The following ZFAT variants were observed in gnomAD, a reference collection of about 807,000 sequenced individuals.
The protein encoded by ZFAT is zinc finger protein ZFAT.
Under a neutral mutation model 117.7 loss-of-function variants are expected in ZFAT, and 64 were observed. That is an observed-to-expected ratio of 0.54 (90% CI 0.44 to 0.67). ZFAT has a LOEUF of 0.67. Among genes scored for constraint, ZFAT ranks in the 30% least tolerant of loss-of-function variants. The pLI is 0.00. For synonymous variants in ZFAT, 679 were observed against 615.0 expected, an observed-to-expected ratio of 1.10 and a Z score of -1.54; for missense variants, 1,433 against 1,584.5, an observed-to-expected ratio of 0.90 and a Z score of 1.62.
At chr8:134,565,676 A>G (rs1451012761) in intron 10 of ZFAT, 3 of 586,980 alleles carry the variant, frequency 5.1e-6, no homozygotes, top group Non-Finnish European at 3.0e-6. Flanking sequence ...GAGCAATGAC[A>G]TTCGATCAGG....
At chr8:134,811,274 A>C in the ZFAT span, among the ~76,000 whole-genome samples, 2 of 152,220 alleles carry the variant, frequency 1.3e-5, no homozygotes, top group African/African-American at 4.8e-5. Flanking sequence ...AACAAATTTG[A>C]CAAACATGAA....
intron 1 of ZFAT, among the ~76,000 whole-genome samples, chr8:134,685,067 C>T (rs1006068890): frequency 3.9e-5 from 6 of 152,306 alleles, no homozygotes; most frequent in African/African-American, 1.2e-4. Context: ...TTTACGCTGC[C>T]TCCTGTTGGT....
At chr8:134,668,453 G>A (rs903121200) in intron 1 of ZFAT, among the ~76,000 whole-genome samples, 9 of 152,206 alleles carry the variant, frequency 5.9e-5, no homozygotes, top group Admixed American at 1.3e-4. Flanking sequence ...ACCAATATCC[G>A]CTGTTCTGCA....
intron 10 of ZFAT, among the ~76,000 whole-genome samples, chr8:134,582,182 C>T (rs1825759892): frequency 6.6e-6 from 1 of 152,180 alleles, no homozygotes; most frequent in Non-Finnish European, 1.5e-5. Flanking sequence ...ACCCGTGATA[C>T]CACCAACTAC....
At chr8:134,755,758 G>A in the ZFAT span, among the ~76,000 whole-genome samples, 1 of 134,458 alleles carries the variant, frequency 7.4e-6, no homozygotes, top group South Asian at 2.3e-4. Flanking sequence ...GTTGCAGTTA[G>A]CCGAGATCAC....
At chr8:134,696,101 G>A (rs143463732) in intron 1 of ZFAT, among the ~76,000 whole-genome samples, 3 of 149,960 alleles carry the variant, frequency 2.0e-5, no homozygotes, top group East Asian at 2.0e-4. Context: ...AGCCCTGCCC[G>A]CATTTCTAAC....
chr8:134,789,617 GA>G, the ZFAT span, among the ~76,000 whole-genome samples: 2 of 152,284 alleles, frequency 1.3e-5, no homozygotes, highest in African/African-American at 2.4e-5. Context: ...TGATCTTGAA[GA>G]CAAATGCTAC....
chr8:134,616,717 C>T (rs1586824725), intron 3 of ZFAT, among the ~76,000 whole-genome samples: 1 of 152,092 alleles, frequency 6.6e-6, no homozygotes, highest in Non-Finnish European at 1.5e-5. Flanking sequence ...TCAGTCATGC[C>T]GTGAGCTTGC....
At chr8:134,629,204 G>A (rs1829720486) in intron 3 of ZFAT, among the ~76,000 whole-genome samples, 2 of 152,110 alleles carry the variant, frequency 1.3e-5, no homozygotes, top group South Asian at 2.1e-4. Context: ...AAATAGAGGA[G>A]GATCATCAGT....
intron 1 of ZFAT, among the ~76,000 whole-genome samples, chr8:134,709,865 A>G (rs1305851540): frequency 6.6e-6 from 1 of 152,202 alleles, no homozygotes. Context: ...GACGGCTCCA[A>G]TTCACACAAT....
At chr8:134,751,506 C>T in the ZFAT span, among the ~76,000 whole-genome samples, 1 of 152,114 alleles carries the variant, frequency 6.6e-6, no homozygotes, top group East Asian at 1.9e-4. Flanking sequence ...ACACTGGAAC[C>T]ACAGTAAAAT....
chr8:134,719,731 C>A, the ZFAT span, among the ~76,000 whole-genome samples: 1 of 152,172 alleles, frequency 6.6e-6, no homozygotes, highest in South Asian at 2.1e-4. Context: ...ACCATCGCTT[C>A]CAGCTGTGAA....
At chr8:134,807,712 A>G in the ZFAT span, among the ~76,000 whole-genome samples, 281 of 150,976 alleles carry the variant, frequency 1.9e-3, 2 homozygotes, top group African/African-American at 6.5e-3. Context: ...CCCCAATTAC[A>G]TGGAAAAAAA....
chr8:134,675,552 C>T (rs1160617360), intron 1 of ZFAT, among the ~76,000 whole-genome samples: 1 of 152,204 alleles, frequency 6.6e-6, no homozygotes, highest in Non-Finnish European at 1.5e-5. Flanking sequence ...TCCAGGAGAA[C>T]TTCCCCAACC....
intron 15 of ZFAT, among the ~76,000 whole-genome samples, chr8:134,506,383 A>G (rs1274002567): frequency 6.6e-6 from 1 of 152,240 alleles, no homozygotes; most frequent in Non-Finnish European, 1.5e-5. Context: ...GGCCCCATGA[A>G]TCTATTTTTA....
At chr8:134,624,279 A>G (rs1385504721) in intron 3 of ZFAT, among the ~76,000 whole-genome samples, 1 of 151,980 alleles carries the variant, frequency 6.6e-6, no homozygotes, top group East Asian at 1.9e-4. Flanking sequence ...TTTGATACAA[A>G]ATCTCTCAAG....
At position 134,601,876 on chromosome 8, in the gene ZFAT, G is replaced by A. The variant is rs774758970; in HGVS notation, c.1843C>T (p.Pro615Ser). The change falls in exon 6 of 16, where the codon CCC (proline) becomes TCC (serine). Residue 615 changes from proline (P) to serine (S), a missense_variant. This residue lies in a region of ZFAT where 372 missense variants were observed against 355.6 expected (regional missense o/e 1.05). Coordinates refer to ENST00000377838, the MANE Select transcript of ZFAT (RefSeq NM_020863.4). ...GAGCTTCTGTGCTGCATGTCTGGGG[G>A]CTTCTCAGGAGCAGCATGAGCCTCT... ...SAEAHAAPEK[P>S]PDMQHRSSVQ... The A allele has an allele frequency of 6.2e-7, 1 of 1,613,098 alleles. No homozygotes were observed. Among genetic ancestry groups the A allele is most frequent in the South Asian group, 1.1e-5 (1 of 90,904 alleles).
the ZFAT span, among the ~76,000 whole-genome samples, chr8:134,773,993 T>G: frequency 7.3e-6 from 1 of 137,414 alleles, no homozygotes. Context: ...AATTTTTTTT[T>G]TTTTTTTTTT....
intron 11 of ZFAT, among the ~76,000 whole-genome samples, chr8:134,544,024 T>C (rs1012961168): frequency 6.6e-6 from 1 of 152,234 alleles, no homozygotes; most frequent in African/African-American, 2.4e-5. Flanking sequence ...AGAGTGGGAA[T>C]GTTGATGAGC....
Sources: allele counts gnomAD v4.1 joint callset (sites outside exome capture counted in the v4.1 genomes callset), GRCh38; gene constraint gnomAD v4.1.1; regional missense constraint gnomAD v4.1.1; transcripts MANE v1.5; gene names NCBI Gene and HGNC (gene_info 2026-07-23, HGNC 2026-07-21).